The following GSE1 variants were observed in gnomAD, a reference collection of about 807,000 sequenced individuals.
GSE1 encodes the protein Gse1 coiled-coil protein, also known as genetic suppressor element 1.
In GSE1, 32 loss-of-function variants were observed where a neutral mutation model predicts 112.6. The ratio of observed to expected loss-of-function variants is 0.28; its 90% CI spans 0.21 to 0.38. The LOEUF (loss-of-function observed/expected upper bound fraction) is 0.38. Among genes scored for constraint, GSE1 ranks in the 10% least tolerant of loss-of-function variants. GSE1 has a pLI of 1.00. For missense variants in GSE1, 2,348 were observed against 1,699.2 expected, an observed-to-expected ratio of 1.38 and a Z score of -6.71; for synonymous variants, 1,115 against 735.6, an observed-to-expected ratio of 1.52 and a Z score of -8.35.
At chr16:85,351,985 A>G (rs780671178) in intron 1 of GSE1, among the ~76,000 whole-genome samples, 4 of 145,520 alleles carry the variant, frequency 2.7e-5, no homozygotes, top group Admixed American at 6.8e-5. Flanking sequence ...GCAAGACTCC[A>G]TCTCAAAACA....
intron 1 of GSE1, among the ~76,000 whole-genome samples, chr16:85,197,186 G>C (rs1182041193): frequency 1.3e-5 from 2 of 152,128 alleles, no homozygotes; most frequent in Non-Finnish European, 2.9e-5. Flanking sequence ...CACAGGGACG[G>C]GCAGTTCAGA....
chr16:85,270,723 C>T (rs1448038390), intron 1 of GSE1, among the ~76,000 whole-genome samples: 3 of 126,368 alleles, frequency 2.4e-5, no homozygotes, highest in Non-Finnish European at 5.9e-5. Context: ...AGAAGCCCAG[C>T]TCCCGCCAGC....
intron 1 of GSE1, among the ~76,000 whole-genome samples, chr16:85,317,247 C>T (rs1414502256): frequency 6.6e-6 from 1 of 152,184 alleles, no homozygotes; most frequent in Non-Finnish European, 1.5e-5. Context: ...ACACTTGCTC[C>T]ATGTCAGGGC....
intron 1 of GSE1, among the ~76,000 whole-genome samples, chr16:85,235,266 C>T (rs1268127984): frequency 1.3e-5 from 2 of 152,052 alleles, no homozygotes; most frequent in African/African-American, 4.8e-5. Flanking sequence ...CCTCTGGCTG[C>T]CAGGCGGGGG....
At chr16:85,561,888 A>T (rs1396645438) in intron 1 of GSE1, among the ~76,000 whole-genome samples, 1 of 152,162 alleles carries the variant, frequency 6.6e-6, no homozygotes, top group African/African-American at 2.4e-5. Context: ...GGTGTGAGGC[A>T]GGGGCTCAGG....
At chr16:85,226,666 G>C (rs1324055477) in intron 1 of GSE1, among the ~76,000 whole-genome samples, 1 of 152,184 alleles carries the variant, frequency 6.6e-6, no homozygotes, top group Non-Finnish European at 1.5e-5. Flanking sequence ...TGCACAGGGG[G>C]CTCGGCATGG....
chr16:85,582,220 A>G (rs1220872091), intron 1 of GSE1: 1 of 152,100 alleles, frequency 6.6e-6, no homozygotes. Flanking sequence ...CTCTGCAAAC[A>G]TTGCCCCTCC....
chr16:85,304,595 C>T (rs147017955), intron 1 of GSE1, among the ~76,000 whole-genome samples: 6,068 of 15,904 alleles, frequency 0.38, 201 homozygotes, highest in Middle Eastern at 0.5. Flanking sequence ...GCTGCCAAGC[C>T]GGGGGCGGGG....
intron 3 of GSE1, among the ~76,000 whole-genome samples, chr16:85,653,660 C>T (rs1567727391): frequency 6.6e-6 from 1 of 152,026 alleles, no homozygotes; most frequent in East Asian, 2.0e-4. Context: ...CAGTCAGGGC[C>T]CAGCTGCTGC....
At chr16:85,636,743 G>T (rs569890886) in intron 2 of GSE1, among the ~76,000 whole-genome samples, 7 of 152,190 alleles carry the variant, frequency 4.6e-5, no homozygotes, top group Admixed American at 4.6e-4. Context: ...TGGTCCCGGC[G>T]GTCCCTGCTG....
At chr16:85,628,283 C>T (rs992232658) in intron 1 of GSE1, among the ~76,000 whole-genome samples, 7 of 152,258 alleles carry the variant, frequency 4.6e-5, no homozygotes, top group Non-Finnish European at 5.9e-5. Context: ...TCAGCAGAGC[C>T]GCTTCCCAGG....
chr16:85,524,788 AG>A (rs892261103), intron 2 of GSE1, among the ~76,000 whole-genome samples: 1 of 151,982 alleles, frequency 6.6e-6, no homozygotes, highest in Non-Finnish European at 1.5e-5. Context: ...TATGGGTGGG[AG>A]GTAGGGGCAG....
chr16:85,415,599 C>A (rs1265717202), intron 2 of GSE1, among the ~76,000 whole-genome samples: 2 of 152,242 alleles, frequency 1.3e-5, no homozygotes, highest in Admixed American at 6.5e-5. Flanking sequence ...CCTTCTACAG[C>A]AGCTGGCCTC....
At chr16:85,488,140 C>T (rs766813216) in intron 2 of GSE1, among the ~76,000 whole-genome samples, 1 of 152,174 alleles carries the variant, frequency 6.6e-6, no homozygotes, top group Non-Finnish European at 1.5e-5. Context: ...GAGGAAAACC[C>T]GAGTGATGGG....
chr16:85,643,485 C>T (rs564676272), intron 2 of GSE1, among the ~76,000 whole-genome samples: 2 of 144,710 alleles, frequency 1.4e-5, no homozygotes, highest in South Asian at 2.5e-4. Context: ...ACCCCTCTTA[C>T]TTCCTCACCC....
chr16:85,661,397 C>T lies in GSE1; in HGVS notation c.1892C>T (p.Pro631Leu), dbSNP rs1027510471. 1.2e-4 allele frequency: 195 copies of T among 1,612,164 alleles called. No homozygotes were observed. Among genetic ancestry groups the T allele is most frequent in the Middle Eastern group, 6.6e-4 (4 of 6,074 alleles). Residue 631 changes from proline to leucine, a missense_variant, in exon 9 of 16, where the codon CCG becomes CTG. By Grantham distance (98) the Pro-to-Leu change is moderately conservative. Transcript: ENST00000253458. ...PLVKVERVFC[P>L]EKAEEGPRKR... ...GTGAAGGTGGAGCGGGTCTTCTGCC[C>T]GGAGAAAGCAGAGGAGGGGCCACGG... is the stretch of plus-strand genomic sequence containing the variant.
intron 2 of GSE1, among the ~76,000 whole-genome samples, chr16:85,442,370 T>C (rs1449285628): frequency 6.6e-6 from 1 of 152,194 alleles, no homozygotes; most frequent in Non-Finnish European, 1.5e-5. Context: ...ACTTCTATCC[T>C]GTTCCCTGCT....
Position 85,672,448 on chromosome 16 carries a change from G to A in GSE1, c.3563G>A (p.Arg1188Gln), listed in dbSNP as rs368544307. 5.8e-5 allele frequency: 93 copies of A among 1,609,566 alleles called. No homozygotes were observed. Among genetic ancestry groups the A allele is most frequent in the Middle Eastern group, 3.3e-4 (2 of 6,072 alleles). ...CAGAAGATGGTCTCAGAAAGGGAGC[G>A]GCTCCAGGCAGAACTGGACCACTTA... is the stretch of plus-strand genomic sequence containing the variant. ...QKQKMVSERERLQAELDHLRK... is the reference protein window; with the variant it reads ...QKQKMVSEREQLQAELDHLRK... The change falls in exon 16 of 16, where the codon CGG (arginine) becomes CAG (glutamine). Residue 1188 changes from arginine to glutamine, a missense_variant. By Grantham distance (43) the Arg-to-Gln change is conservative (BLOSUM62 1). Transcript: ENST00000253458.
At chr16:85,206,253 G>T (rs2075114112) in intron 1 of GSE1, among the ~76,000 whole-genome samples, 1 of 152,132 alleles carries the variant, frequency 6.6e-6, no homozygotes, top group South Asian at 2.1e-4. Context: ...TGGCAAGGAG[G>T]CGGGCGTTGG....
Sources: gnomAD v4.1 joint callset for allele counts (sites outside exome capture counted in the v4.1 genomes callset) on GRCh38, gnomAD v4.1.1 for gene constraint, MANE v1.5 for transcripts, NCBI Gene and HGNC (gene_info 2026-07-23, HGNC 2026-07-21) for gene names.